The following RNF123 variants were observed in gnomAD, a reference collection of about 807,000 sequenced individuals.
RNF123 encodes ring finger protein 123.
RNF123 carries 86 observed loss-of-function variants against 168.5 expected under a neutral mutation model. The ratio of observed to expected loss-of-function variants is 0.51; its 90% CI spans 0.43 to 0.61. The LOEUF is 0.61. Among genes scored for constraint, RNF123 ranks in the 20% least tolerant of loss-of-function variants. RNF123 has a pLI of 0.00. For synonymous variants in RNF123, 666 were observed against 689.1 expected, an observed-to-expected ratio of 0.97 and a Z score of 0.52; for missense variants, 1,419 against 1,729.7, an observed-to-expected ratio of 0.82 and a Z score of 3.19.
intron 7 of RNF123, 52 bp downstream of exon 7, chr3:49,698,189 C>A: frequency 6.7e-7 from 1 of 1,488,706 alleles, no homozygotes; most frequent in Non-Finnish European, 9.4e-7. Flanking sequence ...GCTTCTCCTG[C>A]CACAGGCCTC....
At chr3:49,712,975 C>T in intron 27 of RNF123, 2 of 701,924 alleles carry the variant, frequency 2.8e-6, no homozygotes, top group Non-Finnish European at 5.2e-6. Flanking sequence ...GGCCTTGCAC[C>T]TTGACTCCCT....
At chr3:49,703,628 AGAGGGTGC>A in intron 21 of RNF123, 100 bp downstream of exon 21, 1 of 918,062 alleles carries the variant, frequency 1.1e-6, no homozygotes, top group Non-Finnish European at 1.7e-6. Flanking sequence ...TATGGCCACC[AGAGGGTGC>A]CCAAGTCTTT....
At chr3:49,705,939 G>A in intron 24 of RNF123, 43 bp from the exon 25 acceptor site, 1 of 1,597,102 alleles carries the variant, frequency 6.3e-7, no homozygotes, top group Non-Finnish European at 8.6e-7. Context: ...CCTGGATGAA[G>A]TGCCCAAGGG....
intron 26 of RNF123, among the ~76,000 whole-genome samples, chr3:49,709,701 A>G (rs2080105564): frequency 6.6e-6 from 1 of 151,940 alleles, no homozygotes; most frequent in South Asian, 2.1e-4. Flanking sequence ...GGCCTCCCAA[A>G]GTGCTGGGGT....
chr3:49,717,575 G>A (rs1471853031), intron 35 of RNF123: 1 of 276,470 alleles, frequency 3.6e-6, no homozygotes, highest in African/African-American at 2.2e-5. Context: ...TCTGCTACAG[G>A]GGTTCTTCCA....
chr3:49,694,642 C>A (rs2054232223), intron 3 of RNF123, among the ~76,000 whole-genome samples: 1 of 152,244 alleles, frequency 6.6e-6, no homozygotes. Context: ...CTCTCACCCC[C>A]TCATCAGCCT....
At chr3:49,714,060 T>G (rs779590107) in intron 30 of RNF123, 30 bp from the exon 31 acceptor site, 1 of 1,613,734 alleles carries the variant, frequency 6.2e-7, no homozygotes, top group Admixed American at 1.7e-5. Context: ...GCTGTCCCAT[T>G]GACCTGGGCA....
rs753159939 is a variant in RNF123, at chr3:49,699,724, C to T, written c.936C>T (p.Thr312=). ...SSKWRLRGQP[T]VLLTLAHIFH... is the part of the protein sequence containing the mutation. ...AGTGGCGGTTGCGGGGCCAGCCCAC[C>T]GTCCTCCTCACACTGGCCCACATCT... The change falls in exon 12 of 39, where the codon ACC becomes ACT. Residue 312 remains threonine, a synonymous_variant. Transcript: ENST00000327697. This position sits in a 1 kb window ranked among gnomAD's most constrained non-coding sequence, Gnocchi z 4.8. 56 of 1,613,628 alleles carry T rather than the reference C, an allele frequency of 3.5e-5. No individual in the cohort carries two copies. Among genetic ancestry groups the T allele is most frequent in the Middle Eastern group, 1.7e-4 (1 of 6,040 alleles).
chr3:49,720,880 G>A lies in RNF123; in HGVS notation c.3724G>A (p.Ala1242Thr), dbSNP rs766565132. The change falls in exon 37 of 39, where the codon GCA becomes ACA. Residue 1242 changes from alanine to threonine, a missense_variant. This residue lies in a region of RNF123 where 164 missense variants were observed against 152.3 expected (regional missense o/e 1.08). Coordinates refer to ENST00000327697, the MANE Select transcript of RNF123 (RefSeq NM_022064.5). The stretch of plus-strand genomic sequence containing the variant: ...CCTGACCTCTGCATCTGCCCAGGCA[G>A]CAGCTGCCTCCCTGGTGAGTGGGAA... ...AHLTSASAQA[A>T]AASLPTSEED... is the part of the protein sequence containing the mutation. 5 of 1,614,154 alleles carry A rather than the reference G, an allele frequency of 3.1e-6. No individual in the cohort carries two copies. In the Admixed American group the frequency reaches 5.0e-5, roughly 16 times the overall value.
At chr3:49,712,419 G>C in intron 26 of RNF123, 60 bp from the exon 27 acceptor site, 4 of 1,571,430 alleles carry the variant, frequency 2.5e-6, no homozygotes, top group Non-Finnish European at 3.5e-6. Flanking sequence ...CCCAGGCCAG[G>C]ACATGCCCCC....
intron 35 of RNF123, chr3:49,718,157 T>A: frequency 1.2e-6 from 2 of 1,613,200 alleles, no homozygotes; most frequent in Non-Finnish European, 1.7e-6. Flanking sequence ...GGTGTGGTGC[T>A]GAGTACTGAG....
At chr3:49,708,713 T>C (rs2080081836) in intron 26 of RNF123, among the ~76,000 whole-genome samples, 1 of 152,252 alleles carries the variant, frequency 6.6e-6, no homozygotes, top group African/African-American at 2.4e-5. Flanking sequence ...ATTCGTGTTA[T>C]AGCATGTGTC....
chr3:49,700,622 C>T lies in RNF123; in HGVS notation c.1204-14C>T. ...GGGACTCGCCTGTCCACTCTGAACG[C>T]CCCCTCTCCACAGATCCATTACCTG... On this transcript the variant is annotated splice_polypyrimidine_tract_variant and intron_variant, in intron 14 of 38. Transcript: ENST00000327697. 2 of 1,614,200 alleles carry T rather than the reference C, an allele frequency of 1.2e-6. No individual in the cohort carries two copies. The highest frequency in any genetic ancestry group is 1.7e-6 in the Non-Finnish European group (2 of 1,180,034).
At chr3:49,706,160 C>A in intron 25 of RNF123, 95 bp downstream of exon 25, 2 of 1,109,934 alleles carry the variant, frequency 1.8e-6, no homozygotes, top group Non-Finnish European at 2.7e-6. Flanking sequence ...TGGCAGTTCT[C>A]ATCCCCACTC....
At chr3:49,695,305 A>G (rs927498235) in intron 3 of RNF123, among the ~76,000 whole-genome samples, 2 of 151,784 alleles carry the variant, frequency 1.3e-5, no homozygotes, top group Admixed American at 1.3e-4. Flanking sequence ...TTACTGTGTC[A>G]CCCAGGCTGG....
In RNF123 at chr3:49,705,623, G is replaced by A. The variant is rs772896670; in HGVS notation, c.2248G>A (p.Val750Ile). The A allele has an allele frequency of 1.2e-6, 2 of 1,614,216 alleles. No individual in the cohort carries two copies. Among genetic ancestry groups the A allele is most frequent in the Admixed American group, 3.3e-5 (2 of 60,014 alleles). ...CCTCACCGAGAACTCGCTGCTGGAA[G>A]TCCTGGATGGGGCGGTCATGATGTA... is the stretch of plus-strand genomic sequence containing the variant. ...QPLTENSLLE[V>I]LDGAVMMYNL... Residue 750 changes from valine to isoleucine, a missense_variant, in exon 24 of 39, where the codon GTC (valine) becomes ATC (isoleucine). Val to Ile is a conservative substitution (Grantham distance 29). This residue lies in a region of RNF123 where 538 missense variants were observed against 708.8 expected (regional missense o/e 0.76). Coordinates refer to ENST00000327697, the MANE Select transcript of RNF123 (RefSeq NM_022064.5).
intron 35 of RNF123, chr3:49,719,784 G>A: frequency 6.6e-6 from 2 of 302,700 alleles, no homozygotes; most frequent in Non-Finnish European, 1.3e-5. Context: ...ACATCCCTTT[G>A]TGCCCAATGG....
At chr3:49,704,396 A>G (rs758952547) in intron 21 of RNF123, among the ~76,000 whole-genome samples, 2 of 152,180 alleles carry the variant, frequency 1.3e-5, no homozygotes, top group Non-Finnish European at 2.9e-5. Context: ...AAGAAAGTCA[A>G]TTTGAAAATA....
intron 35 of RNF123, 194 bp from the exon 36 acceptor site, chr3:49,720,317 G>GAAAAAAAA: frequency 5.8e-6 from 2 of 345,012 alleles, no homozygotes; most frequent in South Asian, 1.1e-4. Flanking sequence ...CTCGTCTCAA[G>GAAAAAAAA]AAAAAAAAAA....
Sources: allele counts gnomAD v4.1 joint callset (sites outside exome capture counted in the v4.1 genomes callset), GRCh38; gene constraint gnomAD v4.1.1; regional missense constraint gnomAD v4.1.1; non-coding constraint Gnocchi (gnomAD v3.1); transcripts MANE v1.5; gene names NCBI Gene and HGNC (gene_info 2026-07-23, HGNC 2026-07-21).